Variants in MYO10 observed in about 807,000 individuals in gnomAD.
The protein encoded by MYO10 is unconventional myosin-X.
Under a neutral mutation model 257.3 loss-of-function variants are expected in MYO10, and 133 were observed. The ratio of observed to expected loss-of-function variants is 0.52; its 90% CI spans 0.45 to 0.60. MYO10 has a LOEUF of 0.60. Ranked by LOEUF, MYO10 falls within the 20% of genes least tolerant of loss-of-function variation. MYO10 has a pLI of 0.00. For missense variants in MYO10, 2,399 were observed against 2,635.7 expected (o/e 0.91, Z 1.97); for synonymous variants, 1,104 against 1,028.6 (o/e 1.07, Z -1.40).
At chr5:16,900,744 G>GTTTTGTT (rs1554007455) in intron 1 of MYO10, among the ~76,000 whole-genome samples, 18 of 132,740 alleles carry the variant, frequency 1.4e-4, no homozygotes, top group African/African-American at 5.2e-4. Context: ...CCTAAATCTT[G>GTTTTGTT]TTTTTTTTTT....
chr5:16,743,642 CA>C (rs756002457), intron 19 of MYO10, among the ~76,000 whole-genome samples: 73 of 137,656 alleles, frequency 5.3e-4, no homozygotes, highest in Non-Finnish European at 4.6e-4. Context: ...GACTCCATTG[CA>C]AAAAAAAAAA....
intron 2 of MYO10, among the ~76,000 whole-genome samples, chr5:16,844,538 C>CT (rs1411648055): frequency 3.5e-4 from 54 of 152,170 alleles, no homozygotes; most frequent in African/African-American, 1.1e-3. Context: ...GCTAGTTAAT[C>CT]TACCAGAACT....
intron 4 of MYO10, among the ~76,000 whole-genome samples, chr5:16,787,520 C>T (rs138841000): frequency 6.6e-6 from 1 of 150,488 alleles, no homozygotes; most frequent in Non-Finnish European, 1.5e-5. Flanking sequence ...TGCCTTGTGC[C>T]AGCAGGCCAG....
At chr5:16,695,042 C>T (rs1253633546) in intron 26 of MYO10, among the ~76,000 whole-genome samples, 2 of 152,070 alleles carry the variant, frequency 1.3e-5, no homozygotes, top group Admixed American at 6.5e-5. Flanking sequence ...GTTTCTTTAC[C>T]CGTTTTTTGG....
chr5:16,700,861 T>C, intron 25 of MYO10, 102 bp downstream of exon 25: 1 of 1,337,816 alleles, frequency 7.5e-7, no homozygotes, highest in Non-Finnish European at 1.0e-6. Flanking sequence ...CTGCAATCTT[T>C]GCACAGATAT....
At chr5:16,698,638 T>C (rs913394417) in intron 26 of MYO10, among the ~76,000 whole-genome samples, 7 of 140,496 alleles carry the variant, frequency 5.0e-5, no homozygotes. Context: ...TTTTTTTTTT[T>C]TTTGAGACAG....
intron 32 of MYO10, among the ~76,000 whole-genome samples, chr5:16,680,776 T>C (rs557155228): frequency 4.6e-5 from 7 of 152,304 alleles, no homozygotes; most frequent in Admixed American, 1.3e-4. Flanking sequence ...CATAGGACGC[T>C]CATCGTACAA....
At chr5:16,708,967 C>T (rs780250228) in intron 21 of MYO10, among the ~76,000 whole-genome samples, 2 of 152,208 alleles carry the variant, frequency 1.3e-5, no homozygotes, top group Non-Finnish European at 2.9e-5. Flanking sequence ...AAATGTATGA[C>T]ATCCTGTGTC....
intron 29 of MYO10, among the ~76,000 whole-genome samples, chr5:16,685,174 G>A (rs1391336457): frequency 6.6e-6 from 1 of 152,198 alleles, no homozygotes; most frequent in Non-Finnish European, 1.5e-5. Flanking sequence ...TGAGGTGAGA[G>A]AACTGGAATG....
chr5:16,792,860 G>A (rs1200456801), intron 4 of MYO10, among the ~76,000 whole-genome samples: 1 of 151,974 alleles, frequency 6.6e-6, no homozygotes, highest in East Asian at 1.9e-4. Context: ...GGTCTTTTTA[G>A]TGTCCCCCCC....
At chr5:16,781,577 A>T in intron 6 of MYO10, 128 bp downstream of exon 6, 1 of 970,172 alleles carries the variant, frequency 1.0e-6, no homozygotes, top group Non-Finnish European at 1.5e-6. Context: ...GCAATAACTA[A>T]CTGTCTAATT....
At chr5:16,888,582 C>A (rs561069419) in intron 1 of MYO10, among the ~76,000 whole-genome samples, 79 of 150,822 alleles carry the variant, frequency 5.2e-4, no homozygotes, top group Admixed American at 1.3e-3. Flanking sequence ...ACAACAAGAG[C>A]GAGACTCCGT....
chr5:16,833,221 T>G (rs1217126585), intron 2 of MYO10, among the ~76,000 whole-genome samples: 3 of 140,052 alleles, frequency 2.1e-5, no homozygotes, highest in Non-Finnish European at 4.7e-5. Context: ...AGGTTTGTTT[T>G]TTTTTTTTTT....
chr5:16,859,067 C>CA (rs1744041562), intron 2 of MYO10, among the ~76,000 whole-genome samples: 1 of 152,176 alleles, frequency 6.6e-6, no homozygotes, highest in South Asian at 2.1e-4. Flanking sequence ...CCTGTGTTCT[C>CA]ATCCAGCCCA....
At chr5:16,828,942 T>C (rs1406207504) in intron 2 of MYO10, among the ~76,000 whole-genome samples, 2 of 148,042 alleles carry the variant, frequency 1.4e-5, no homozygotes, top group Non-Finnish European at 3.0e-5. Flanking sequence ...TTTACTCTCT[T>C]TTAAGTTTCC....
chr5:16,781,622 C>G, intron 6 of MYO10, 83 bp downstream of exon 6: 1 of 1,364,312 alleles, frequency 7.3e-7, no homozygotes, highest in Non-Finnish European at 1.0e-6. Flanking sequence ...GTTTCACATT[C>G]TTTTTCAATC....
chr5:16,695,092 G>C (rs1004530852), intron 26 of MYO10, among the ~76,000 whole-genome samples: 51 of 152,184 alleles, frequency 3.4e-4, no homozygotes, highest in Admixed American at 2.3e-3. Flanking sequence ...CCAGCACTTT[G>C]GGAGGCCGAG....
chr5:16,827,785 A>G (rs958818058), intron 2 of MYO10, among the ~76,000 whole-genome samples: 13 of 152,140 alleles, frequency 8.5e-5, no homozygotes, highest in African/African-American at 3.1e-4. Context: ...AGCAGAGGGA[A>G]CGGGTTTATT....
Position 16,701,113 on chromosome 5 carries a change from A to G in MYO10, c.3282T>C (p.Asp1094=). The change falls in exon 25 of 41, where the codon GAT becomes GAC. Residue 1094 remains aspartate (D), a synonymous_variant. Transcript: ENST00000513610. The surrounding 1 kb of genome is among the most constrained non-coding windows in gnomAD (Gnocchi z 8.1). The part of the protein sequence containing the change: ...SPDGDYDYDQ[D]DYEDGAITSG... ...AAGTGATGGCACCGTCCTCATAGTCATCCTGGTCGTAGTCGTAGTCGCCGT... is the reference window on the plus strand; with the variant it reads ...AAGTGATGGCACCGTCCTCATAGTCGTCCTGGTCGTAGTCGTAGTCGCCGT... 1 of 1,593,050 alleles carries G rather than the reference A, an allele frequency of 6.3e-7. No individual in the cohort carries two copies. The highest frequency in any genetic ancestry group is 8.5e-7 in the Non-Finnish European group (1 of 1,170,250).
Sources: allele counts gnomAD v4.1 joint callset (sites outside exome capture counted in the v4.1 genomes callset), GRCh38; gene constraint gnomAD v4.1.1; non-coding constraint Gnocchi (gnomAD v3.1); transcripts MANE v1.5; gene names NCBI Gene and HGNC (gene_info 2026-07-23, HGNC 2026-07-21).